PATJ: variants seen among roughly 807,000 people sequenced by gnomAD.
PATJ encodes the protein PATJ crumbs cell polarity complex component, also known as inaD-like protein.
Under a neutral mutation model 224.9 loss-of-function variants are expected in PATJ, and 190 were observed. That is an observed-to-expected ratio of 0.84 (90% confidence interval 0.75 to 0.95). The LOEUF (loss-of-function observed/expected upper bound fraction) is 0.95, where lower values mean the gene tolerates loss of function less well. Ranked by LOEUF, PATJ falls within the 40% of genes least tolerant of loss-of-function variation. PATJ has a pLI of 0.00. For synonymous variants in PATJ, 769 were observed against 820.3 expected (o/e 0.94, Z 1.07); for missense variants, 2,121 against 2,270.3 (o/e 0.93, Z 1.34).
chr1:62,024,413 C>G (rs933946426), intron 29 of PATJ, among the ~76,000 whole-genome samples: 1 of 151,996 alleles, frequency 6.6e-6, no homozygotes, highest in African/African-American at 2.4e-5. Flanking sequence ...TTTACTCTTT[C>G]GTGGGCAGAA....
In PATJ at chr1:61,813,342, T is replaced by TAGAG. The variant is rs201945971; in HGVS notation, c.1683+4813_1683+4814insGAGA. 5.1e-4 allele frequency among the ~76,000 whole-genome samples: 23 copies of TAGAG among 45,510 alleles called. 1 individual carries two copies. The highest frequency in any genetic ancestry group is 4.1e-3 in the Admixed American group (17 of 4,124). 29.9% of individuals were successfully genotyped at this position (45,510 alleles called of 152,430 possible). A position where few individuals can be genotyped will look rare whatever the true frequency, so the allele number is the denominator to read the frequency against. ...AACCTCTATGGAATGTACATATATATATATATATATATATATATATATATA... is the reference window on the plus strand; with the variant it reads ...AACCTCTATGGAATGTACATATATATAGAGATATATATATATATATATATATATA... On this transcript the variant is annotated intron_variant, in intron 14 of 43. Coordinates refer to ENST00000642238, the MANE Select transcript of PATJ (RefSeq NM_001350145.3).
intron 7 of PATJ, among the ~76,000 whole-genome samples, chr1:61,785,347 C>T (rs1170318612): frequency 6.6e-6 from 1 of 152,164 alleles, no homozygotes; most frequent in Admixed American, 6.5e-5. Flanking sequence ...GCAGCCTTTG[C>T]TTGTAGGAGA....
intron 43 of PATJ, among the ~76,000 whole-genome samples, chr1:62,154,649 C>A (rs866252561): frequency 6.3e-4 from 83 of 131,560 alleles, no homozygotes; most frequent in Admixed American, 6.3e-4. Context: ...CAATCCATCT[C>A]AAAAAAAAAA....
At chr1:62,074,712 C>A (rs1245416956) in intron 31 of PATJ, among the ~76,000 whole-genome samples, 1 of 152,106 alleles carries the variant, frequency 6.6e-6, no homozygotes, top group Non-Finnish European at 1.5e-5. Context: ...GCCTGTAATC[C>A]CAGCACTTTG....
At chr1:62,068,618 G>A (rs992604560) in intron 31 of PATJ, among the ~76,000 whole-genome samples, 7 of 152,204 alleles carry the variant, frequency 4.6e-5, no homozygotes, top group African/African-American at 1.7e-4. Context: ...GAGAGACAGG[G>A]CATTTTGATT....
At chr1:61,990,451 A>G in intron 28 of PATJ, 87 bp downstream of exon 28, 1 of 791,178 alleles carries the variant, frequency 1.3e-6, no homozygotes, top group Non-Finnish European at 1.9e-6. Flanking sequence ...GAAAGGGAAG[A>G]ATGATGTCAA....
chr1:61,806,875 G>A (rs1266958042), intron 13 of PATJ, among the ~76,000 whole-genome samples: 3 of 152,054 alleles, frequency 2.0e-5, no homozygotes, highest in South Asian at 2.1e-4. Context: ...TTTTAGGCCG[G>A]GTGGAGTAGC....
intron 15 of PATJ, among the ~76,000 whole-genome samples, chr1:61,826,796 A>T (rs1658350402): frequency 6.6e-6 from 1 of 152,228 alleles, no homozygotes; most frequent in Admixed American, 6.5e-5. Context: ...GTATCAGCAG[A>T]GCATGTAACT....
At chr1:61,775,732 T>C (rs1374309518) in intron 7 of PATJ, among the ~76,000 whole-genome samples, 11 of 152,198 alleles carry the variant, frequency 7.2e-5, no homozygotes, top group African/African-American at 2.7e-4. Flanking sequence ...ACATGGTAAA[T>C]TTCACTTGAA....
At chr1:62,034,490 T>C (rs373695433) in intron 29 of PATJ, among the ~76,000 whole-genome samples, 45 of 150,648 alleles carry the variant, frequency 3.0e-4, no homozygotes, top group African/African-American at 1.0e-3. Flanking sequence ...ACAGATATCA[T>C]TACTTATGAG....
intron 16 of PATJ, among the ~76,000 whole-genome samples, chr1:61,828,109 G>A (rs1301091103): frequency 6.6e-6 from 1 of 152,064 alleles, no homozygotes; most frequent in African/African-American, 2.4e-5. Context: ...CAGGCATGGT[G>A]GCGCATGCCT....
chr1:62,046,269 C>T (rs1012682299), intron 30 of PATJ, among the ~76,000 whole-genome samples: 2 of 151,386 alleles, frequency 1.3e-5, no homozygotes, highest in African/African-American at 4.9e-5. Context: ...AAAGGATCCA[C>T]ATTGTTATGT....
intron 42 of PATJ, among the ~76,000 whole-genome samples, chr1:62,151,453 T>C (rs1294133040): frequency 6.6e-6 from 1 of 150,432 alleles, no homozygotes; most frequent in Non-Finnish European, 1.5e-5. Flanking sequence ...TAGCCAGGAG[T>C]GGTGGCAGGC....
chr1:61,821,189 C>G (rs777526315), intron 14 of PATJ, among the ~76,000 whole-genome samples: 6 of 151,958 alleles, frequency 3.9e-5, no homozygotes, highest in African/African-American at 1.5e-4. Flanking sequence ...GGACTACAGG[C>G]GCCTGCCACC....
At chr1:61,782,752 C>T (rs1647603415) in intron 7 of PATJ, among the ~76,000 whole-genome samples, 2 of 152,168 alleles carry the variant, frequency 1.3e-5, no homozygotes, top group South Asian at 4.1e-4. Flanking sequence ...TTGAAACACT[C>T]ACCTTGAGAA....
chr1:62,131,337 A>G (rs72677962), intron 41 of PATJ, among the ~76,000 whole-genome samples: 5,234 of 152,318 alleles, frequency 0.034, 109 homozygotes, highest in Non-Finnish European at 0.046. Context: ...TGCTGAGCCC[A>G]GGACCTTGAA....
At position 62,117,154 on chromosome 1, in the gene PATJ, T is replaced by C; in HGVS notation, c.4826T>C (p.Leu1609Pro). The change falls in exon 37 of 44, where the codon CTA becomes CCA. Residue 1609 changes from leucine (L) to proline (P), a missense_variant. Coordinates refer to ENST00000642238, the MANE Select transcript of PATJ (RefSeq NM_001350145.3). ...ILKCAQGLVQLEIGRLRAGSW... is the reference protein window; with the variant it reads ...ILKCAQGLVQPEIGRLRAGSW... The stretch of plus-strand genomic sequence containing the variant: ...AAGTGTGCACAGGGACTTGTGCAGC[T>C]AGAGATTGGAAGACTCCGAGCTGGT... 1 of 1,614,098 alleles carries C rather than the reference T, an allele frequency of 6.2e-7. No homozygotes were observed. The highest frequency in any genetic ancestry group is 8.5e-7 in the Non-Finnish European group (1 of 1,180,000).
At chr1:61,765,437 G>A (rs1313556873) in intron 3 of PATJ, among the ~76,000 whole-genome samples, 1 of 151,268 alleles carries the variant, frequency 6.6e-6, no homozygotes, top group Non-Finnish European at 1.5e-5. Flanking sequence ...CAGGCTGAGT[G>A]CAGTGGTGCA....
intron 29 of PATJ, among the ~76,000 whole-genome samples, chr1:62,020,206 T>C (rs536169023): frequency 4.9e-4 from 75 of 152,178 alleles, no homozygotes; most frequent in Non-Finnish European, 9.9e-4. Context: ...TGAGAAGATA[T>C]ATGTAGCACT....
Sources: gnomAD v4.1 joint callset for allele counts (sites outside exome capture counted in the v4.1 genomes callset) on GRCh38, gnomAD v4.1.1 for gene constraint, MANE v1.5 for transcripts, NCBI Gene and HGNC (gene_info 2026-07-23, HGNC 2026-07-21) for gene names.